ATP13A3: variants seen among roughly 807,000 people sequenced by gnomAD.
ATP13A3 encodes the protein polyamine-transporting ATPase 13A3.
In ATP13A3, 59 loss-of-function variants were observed where a neutral mutation model predicts 158.1. The ratio of observed to expected loss-of-function variants is 0.37; its 90% confidence interval spans 0.30 to 0.46. The LOEUF is 0.46. Ranked by LOEUF, ATP13A3 falls within the 20% of genes least tolerant of loss-of-function variation. The probability of loss-of-function intolerance (pLI) is 1.00; values close to 1 mark genes in which losing one functional copy is unlikely to be tolerated. For synonymous variants in ATP13A3, 491 were observed against 504.3 expected (o/e 0.97, Z 0.35); for missense variants, 1,166 against 1,525.2 (o/e 0.76, Z 3.92).
In ATP13A3 at chr3:194,482,172, A is replaced by AAAAT. The variant is rs201616384; in HGVS notation, c.-47+3621_-47+3622insATTT. Among the ~76,000 whole-genome samples, 1,012 of 152,316 alleles carry AAAAT rather than the reference A, an allele frequency of 6.6e-3. 11 individuals carry two copies. The highest frequency in any genetic ancestry group is 0.023 in the African/African-American group (955 of 41,568). On this transcript the variant is annotated intron_variant, in intron 2 of 33. Coordinates refer to ENST00000645319, the MANE Select transcript of ATP13A3 (RefSeq NM_001367549.1). ...ACTGATTACCATAAAGTCATTTTTTAAACTATCATAACAGTGATCATTTTT... is the reference window on the plus strand; with the variant it reads ...ACTGATTACCATAAAGTCATTTTTTAAAATAACTATCATAACAGTGATCATTTTT...
At chr3:194,475,961 C>A (rs534534800) in intron 2 of ATP13A3, among the ~76,000 whole-genome samples, 1 of 152,144 alleles carries the variant, frequency 6.6e-6, no homozygotes. Context: ...CATCAAAAAG[C>A]CTTACCAACA....
At chr3:194,422,189 G>A (rs1716440608) in intron 30 of ATP13A3, among the ~76,000 whole-genome samples, 1 of 152,030 alleles carries the variant, frequency 6.6e-6, no homozygotes, top group East Asian at 1.9e-4. Context: ...AAGGATGGCT[G>A]GCAGACATAC....
In ATP13A3 at chr3:194,431,840, T is replaced by A; in HGVS notation, c.2298A>T (p.Leu766=). The A allele has an allele frequency of 6.2e-7, 1 of 1,611,210 alleles. No individual in the cohort carries two copies. The highest frequency in any genetic ancestry group is 8.5e-7 in the Non-Finnish European group (1 of 1,179,136). The stretch of plus-strand genomic sequence containing the variant: ...CAGCAATAATCACTTTATCCTGAGG[T>A]AGAATCATTCCACAATCTCTGGCCA... ...VSVARDCGMI[L]PQDKVIIAEA... Residue 766 remains leucine (L), a synonymous_variant, in exon 22 of 34, where the codon CTA becomes CTT. Transcript: ENST00000645319.
At position 194,437,471 on chromosome 3, in the gene ATP13A3, C is replaced by G. The variant is rs1717732751; in HGVS notation, c.1846-7G>C. 6.2e-7 allele frequency: 1 copy of G among 1,614,056 alleles called. No individual in the cohort carries two copies. The highest frequency in any genetic ancestry group is 8.5e-7 in the Non-Finnish European group (1 of 1,179,998). On this transcript the variant is annotated splice_polypyrimidine_tract_variant and splice_region_variant and intron_variant, in intron 18 of 33. Coordinates refer to ENST00000645319, the MANE Select transcript of ATP13A3 (RefSeq NM_001367549.1). ...TTCCTATCTCATAAGTAGCCTATAT[C>G]ATTTCAAAAGAGGCACAAAGCACTT... is the stretch of plus-strand genomic sequence containing the variant.
rs146993933 is a variant in ATP13A3 at position 194,449,044 on chromosome 3, TACACACACACACACACACAC to T, written c.971-428_971-409del. On this transcript the variant is annotated intron_variant, in intron 11 of 33. Coordinates refer to ENST00000645319, the MANE Select transcript of ATP13A3 (RefSeq NM_001367549.1). ...GTGAGGGCCTACCCCGATCCACCCCTACACACACACACACACACACACACACACACACACACACACACACA... is the reference window on the plus strand; with the variant it reads ...GTGAGGGCCTACCCCGATCCACCCCTACACACACACACACACACACACACA... Among the ~76,000 whole-genome samples, 46 of 134,982 alleles carry T rather than the reference TACACACACACACACACACAC, an allele frequency of 3.4e-4. 1 individual carries two copies. Among genetic ancestry groups the T allele is most frequent in the Admixed American group, 2.3e-3 (31 of 13,384 alleles). The allele number at this position is 134,982 out of a possible 152,430, so 88.6% of individuals were successfully genotyped here.
intron 21 of ATP13A3, among the ~76,000 whole-genome samples, chr3:194,432,989 T>C (rs1487418325): frequency 2.0e-5 from 3 of 152,114 alleles, no homozygotes; most frequent in Admixed American, 6.5e-5. Flanking sequence ...ATATCTTACA[T>C]ATAAACATTT....
chr3:194,484,379 T>G (rs188913424), intron 2 of ATP13A3, among the ~76,000 whole-genome samples: 263 of 152,348 alleles, frequency 1.7e-3, no homozygotes, highest in Non-Finnish European at 2.9e-3. Context: ...TGAATCAAAC[T>G]ATGCTTGTAT....
chr3:194,445,961 CA>C (rs750472667), intron 14 of ATP13A3, among the ~76,000 whole-genome samples: 8 of 152,076 alleles, frequency 5.3e-5, no homozygotes, highest in Non-Finnish European at 1.0e-4. Context: ...AATCATACAG[CA>C]AACACTAAAC....
intron 2 of ATP13A3, among the ~76,000 whole-genome samples, chr3:194,483,635 A>G (rs1122957): frequency 0.059 from 9,048 of 152,174 alleles, 922 homozygotes; most frequent in African/African-American, 0.21. Flanking sequence ...TACTCTCTCC[A>G]TAGGCCAATT....
chr3:194,407,635 C>T (rs1284913661), intron 33 of ATP13A3, among the ~76,000 whole-genome samples: 1 of 152,146 alleles, frequency 6.6e-6, no homozygotes, highest in Non-Finnish European at 1.5e-5. Flanking sequence ...CAATCAGCTG[C>T]ACTGCTACCA....
rs374176772 is a variant in ATP13A3 at position 194,427,201 on chromosome 3, C to A, written c.2999G>T (p.Gly1000Val). The change falls in exon 29 of 34, where the codon GGT (glycine) becomes GTT (valine). Residue 1000 changes from glycine (G) to valine (V), a missense_variant. By Grantham distance (109) the Gly-to-Val change is moderately radical. Around this residue, in one of 3 missense-constraint regions of ATP13A3, gnomAD observed 997 missense variants for 1,341.2 expected, o/e 0.74. Coordinates refer to ENST00000645319, the MANE Select transcript of ATP13A3 (RefSeq NM_001367549.1). ...KELVAQRPPS[G>V]LISGALLFSV... The stretch of plus-strand genomic sequence containing the variant: ...GAAGAGAAGGGCCCCAGATATAAGA[C>A]CCGAAGGTGGTCTTTGTGCCACAAG... 7.4e-6 allele frequency: 12 copies of A among 1,611,670 alleles called. No homozygotes were observed. Among genetic ancestry groups the A allele is most frequent in the African/African-American group, 4.0e-5 (3 of 74,626 alleles).
chr3:194,454,233 A>C, intron 9 of ATP13A3, 25 bp downstream of exon 9: 2 of 1,575,880 alleles, frequency 1.3e-6, no homozygotes, highest in Non-Finnish European at 1.7e-6. Context: ...TACAGTTGTG[A>C]AACCCATAAT....
At chr3:194,437,721 T>C (rs1717761027) in intron 17 of ATP13A3, 148 bp from the exon 18 acceptor site, 5 of 769,848 alleles carry the variant, frequency 6.5e-6, no homozygotes, top group African/African-American at 3.5e-5. Context: ...AGATTCCTTC[T>C]ATACTACTTC....
At chr3:194,432,031 A>G in intron 21 of ATP13A3, 139 bp from the exon 22 acceptor site, 1 of 685,722 alleles carries the variant, frequency 1.5e-6, no homozygotes, top group Non-Finnish European at 2.1e-6. Context: ...TTCCACTTAC[A>G]GTTTAAAAAT....
At chr3:194,447,416 T>A (rs1718480278) in intron 13 of ATP13A3, among the ~76,000 whole-genome samples, 1 of 152,210 alleles carries the variant, frequency 6.6e-6, no homozygotes. Context: ...CATTATCAGA[T>A]ATTGACTCAG....
chr3:194,451,233 T>C (rs1489898879), intron 10 of ATP13A3: 3 of 152,200 alleles, frequency 2.0e-5, no homozygotes, highest in African/African-American at 4.8e-5. Flanking sequence ...ATTTAGTACA[T>C]AGTAGATATT....
intron 16 of ATP13A3, among the ~76,000 whole-genome samples, chr3:194,439,713 G>C (rs1401482181): frequency 6.6e-6 from 1 of 152,130 alleles, no homozygotes; most frequent in Non-Finnish European, 1.5e-5. Context: ...ATCACATCAA[G>C]TCACAGTTGT....
intron 3 of ATP13A3, 97 bp downstream of exon 3, chr3:194,462,043 C>T (rs1051037090): frequency 1.1e-5 from 13 of 1,174,140 alleles, no homozygotes; most frequent in East Asian, 2.5e-5. Context: ...TAGCTGCTGC[C>T]GCCACTGTTG....
At chr3:194,421,114 G>GTGTGTGTATATATA (rs774431656) in intron 30 of ATP13A3, among the ~76,000 whole-genome samples, 52 of 8,110 alleles carry the variant, frequency 6.4e-3, no homozygotes, top group African/African-American at 0.02. Context: ...TGTGTAGGGT[G>GTGTGTGTATATATA]TATATATATA....
Sources: gnomAD v4.1 joint callset for allele counts (sites outside exome capture counted in the v4.1 genomes callset) on GRCh38, gnomAD v4.1.1 for gene constraint, gnomAD v4.1.1 regional missense constraint, MANE v1.5 for transcripts, NCBI Gene and HGNC (gene_info 2026-07-23, HGNC 2026-07-21) for gene names.